Variants in YIPF1 observed in about 807,000 individuals in gnomAD.
The protein encoded by YIPF1 is Yip1 domain family member 1, also known as protein YIPF1.
YIPF1 carries 22 observed loss-of-function variants against 37.0 expected under a neutral mutation model. The observed-to-expected ratio is 0.59, with a 90% CI of 0.42 to 0.85. YIPF1 has a LOEUF of 0.85. Among genes scored for constraint, YIPF1 ranks in the 40% least tolerant of loss-of-function variants. The probability of loss-of-function intolerance (pLI) is 0.00; values close to 1 mark genes in which losing one functional copy is unlikely to be tolerated. For missense variants in YIPF1, 355 were observed against 373.1 expected, an observed-to-expected ratio of 0.95 and a Z score of 0.40; for synonymous variants, 128 against 131.9, an observed-to-expected ratio of 0.97 and a Z score of 0.21.
At chr1:53,879,374 G>A (rs890665851) in intron 4 of YIPF1, among the ~76,000 whole-genome samples, 17 of 152,150 alleles carry the variant, frequency 1.1e-4, no homozygotes, top group African/African-American at 3.6e-4. Context: ...GATTACAAGC[G>A]TGAGCCACTG....
rs1649825233 is a variant in YIPF1 at position 53,860,074 on chromosome 1, T to G, written c.911A>C (p.Lys304Thr). ...ATPNQTVAAAKSS is the reference protein window; with the variant it reads ...ATPNQTVAAATSS ...CTCTTACTTTCCTCATTAGCTGGAC[T>G]TGGCTGCAGCAACTGTTTGGTTTGG... Residue 304 changes from lysine (K) to threonine (T), a missense_variant, in exon 10 of 11, where the codon AAG (lysine) becomes ACG (threonine). Transcript: ENST00000072644. The G allele has an allele frequency of 6.2e-7, 1 of 1,614,002 alleles. No individual in the cohort carries two copies. Among genetic ancestry groups the G allele is most frequent in the Non-Finnish European group, 8.5e-7 (1 of 1,179,992 alleles).
chr1:53,854,498 G>C (rs1317523633), intron 10 of YIPF1, among the ~76,000 whole-genome samples: 2 of 152,142 alleles, frequency 1.3e-5, no homozygotes, highest in African/African-American at 4.8e-5. Flanking sequence ...ATCTTGGGTG[G>C]CTGCACTATC....
At chr1:53,889,111 T>C (rs1369682380) in intron 2 of YIPF1, 125 bp from the exon 3 acceptor site, 9 of 506,192 alleles carry the variant, frequency 1.8e-5, no homozygotes, top group African/African-American at 5.6e-5. Flanking sequence ...AATAGGTTTA[T>C]ATAAAGATAA....
chr1:53,877,301 C>T (rs1650359454), intron 6 of YIPF1, among the ~76,000 whole-genome samples: 1 of 152,148 alleles, frequency 6.6e-6, no homozygotes, highest in African/African-American at 2.4e-5. Context: ...CCCTAGAGTC[C>T]ATATTTAAAA....
chr1:53,859,584 G>A (rs1649810743), intron 10 of YIPF1, among the ~76,000 whole-genome samples: 1 of 152,110 alleles, frequency 6.6e-6, no homozygotes, highest in Non-Finnish European at 1.5e-5. Flanking sequence ...AGAATCGCTT[G>A]AACCCAGGAG....
chr1:53,873,945 G>A (rs1650263721), intron 6 of YIPF1, among the ~76,000 whole-genome samples: 1 of 152,084 alleles, frequency 6.6e-6, no homozygotes, highest in African/African-American at 2.4e-5. Context: ...AACAACTCTG[G>A]CACGGGAACA....
chr1:53,857,140 C>A (rs1411755183), intron 10 of YIPF1, among the ~76,000 whole-genome samples: 2 of 152,162 alleles, frequency 1.3e-5, no homozygotes, highest in Admixed American at 1.3e-4. Flanking sequence ...GGAATTGAAT[C>A]CTGCCAACAA....
At chr1:53,881,908 AT>A (rs1400658227) in intron 4 of YIPF1, among the ~76,000 whole-genome samples, 1 of 152,216 alleles carries the variant, frequency 6.6e-6, no homozygotes, top group African/African-American at 2.4e-5. Context: ...ATACATGCAC[AT>A]TTATGTTCAC....
intron 10 of YIPF1, among the ~76,000 whole-genome samples, chr1:53,859,570 CAGG>C (rs1209807479): frequency 1.3e-5 from 2 of 152,104 alleles, no homozygotes; most frequent in African/African-American, 4.8e-5. Context: ...GAGGCTGAGG[CAGG>C]AGAATCGCTT....
intron 10 of YIPF1, chr1:53,854,886 C>T (rs1649682434): frequency 6.6e-6 from 1 of 151,996 alleles, no homozygotes; most frequent in African/African-American, 2.4e-5. Flanking sequence ...GTAAATAAAG[C>T]TCTGCCCTCA....
At chr1:53,880,104 G>GAGT (rs1650449346) in intron 4 of YIPF1, among the ~76,000 whole-genome samples, 1 of 152,104 alleles carries the variant, frequency 6.6e-6, no homozygotes. Flanking sequence ...AATAGGAAGA[G>GAGT]AGTAAGTCAA....
intron 3 of YIPF1, among the ~76,000 whole-genome samples, chr1:53,888,613 G>C (rs1650718908): frequency 6.6e-6 from 1 of 152,170 alleles, no homozygotes; most frequent in Non-Finnish European, 1.5e-5. Flanking sequence ...TAAGCACAAA[G>C]TAAGTGCTCA....
chr1:53,880,723 A>G (rs530096808), intron 4 of YIPF1, among the ~76,000 whole-genome samples: 24 of 152,302 alleles, frequency 1.6e-4, no homozygotes, highest in African/African-American at 5.8e-4. Context: ...CACATAGACC[A>G]ATGAAACAGA....
At chr1:53,852,576 C>T (rs754180092) in intron 10 of YIPF1, among the ~76,000 whole-genome samples, 14 of 152,098 alleles carry the variant, frequency 9.2e-5, no homozygotes, top group Non-Finnish European at 1.6e-4. Flanking sequence ...TTCTCTTCTC[C>T]GTGACAGCAC....
At position 53,889,003 on chromosome 1, in the gene YIPF1, G is replaced by T; in HGVS notation, c.-49-17C>A. 7.1e-7 allele frequency: 1 copy of T among 1,406,336 alleles called. No homozygotes were observed. The highest frequency in any genetic ancestry group is 1.0e-6 in the Non-Finnish European group (1 of 996,268). 87.1% of individuals were successfully genotyped at this position (1,406,336 alleles called of 1,614,324 possible). On this transcript the variant is annotated splice_polypyrimidine_tract_variant and intron_variant, in intron 2 of 10. Coordinates refer to ENST00000072644, the MANE Select transcript of YIPF1 (RefSeq NM_018982.5). The stretch of plus-strand genomic sequence containing the variant: ...TGCAGGGTTCTAAAAGAAAAAAATA[G>T]GTAAACATAATAGGATGACAGTATA...
At chr1:53,871,533 A>T (rs763978026) in intron 6 of YIPF1, 45 bp from the exon 7 acceptor site, 1 of 1,431,480 alleles carries the variant, frequency 7.0e-7, no homozygotes. Flanking sequence ...AATGAAGCAT[A>T]AGCCTTTAGA....
intron 7 of YIPF1, among the ~76,000 whole-genome samples, chr1:53,870,286 T>C (rs1650150829): frequency 6.9e-6 from 1 of 144,922 alleles, no homozygotes; most frequent in Non-Finnish European, 1.5e-5. Flanking sequence ...TCCTCCCAAC[T>C]CAGCCTCCTG....
chr1:53,860,740 C>G (rs1649848968), intron 9 of YIPF1, among the ~76,000 whole-genome samples: 1 of 152,184 alleles, frequency 6.6e-6, no homozygotes, highest in African/African-American at 2.4e-5. Flanking sequence ...GCATGCTTTC[C>G]CTAAAAATTC....
chr1:53,861,105 C>T (rs564981480), intron 9 of YIPF1, among the ~76,000 whole-genome samples: 10 of 152,224 alleles, frequency 6.6e-5, no homozygotes, highest in Non-Finnish European at 1.3e-4. Flanking sequence ...CTCTCCCCTA[C>T]CTGTTGCTAT....
Sources: gnomAD v4.1 joint callset for allele counts (sites outside exome capture counted in the v4.1 genomes callset) on GRCh38, gnomAD v4.1.1 for gene constraint, MANE v1.5 for transcripts, NCBI Gene and HGNC (gene_info 2026-07-23, HGNC 2026-07-21) for gene names.